Variants in ATP13A3 observed in about 807,000 individuals in gnomAD.
ATP13A3 encodes polyamine-transporting ATPase 13A3.
ATP13A3 carries 59 observed loss-of-function variants against 158.1 expected under a neutral mutation model. That is an observed-to-expected ratio of 0.37 (90% CI 0.30 to 0.46). ATP13A3 has a LOEUF of 0.46. Ranked by LOEUF, ATP13A3 falls within the 20% of genes least tolerant of loss-of-function variation. ATP13A3 has a pLI of 1.00. For synonymous variants in ATP13A3, 491 were observed against 504.3 expected (o/e 0.97, Z 0.35); for missense variants, 1,166 against 1,525.2 (o/e 0.76, Z 3.92).
In ATP13A3 at chr3:194,448,567, T is replaced by C; in HGVS notation, c.1040A>G (p.Glu347Gly). The C allele has an allele frequency of 1.2e-6, 2 of 1,614,052 alleles. No individual in the cohort carries two copies. Among genetic ancestry groups the C allele is most frequent in the Non-Finnish European group, 1.7e-6 (2 of 1,179,930 alleles). The stretch of plus-strand genomic sequence containing the variant: ...TTTATGTGTTTCTGGATTATATAAT[T>C]CATCTCCTATTCCTTTCACATCCAC... Reference protein sequence around the residue: ...PSVDVKGIGDELYNPETHKRH... With the variant: ...PSVDVKGIGDGLYNPETHKRH... The change falls in exon 12 of 34, where the codon GAA becomes GGA. Residue 347 changes from glutamate to glycine, a missense_variant. Physicochemically the swap from Glu to Gly is moderately conservative, Grantham distance 98. Coordinates refer to ENST00000645319, the MANE Select transcript of ATP13A3 (RefSeq NM_001367549.1). This position sits in a 1 kb window ranked among gnomAD's most constrained non-coding sequence, Gnocchi z 4.0.
chr3:194,454,952 A>T (rs1238647620), intron 8 of ATP13A3, among the ~76,000 whole-genome samples: 1 of 152,246 alleles, frequency 6.6e-6, no homozygotes, highest in Non-Finnish European at 1.5e-5. Context: ...CCAAATATAG[A>T]TTCAGCTAGA....
At chr3:194,450,368 A>G in intron 10 of ATP13A3, 92 bp from the exon 11 acceptor site, 3 of 1,261,496 alleles carry the variant, frequency 2.4e-6, no homozygotes, top group East Asian at 5.0e-5. Flanking sequence ...TCTGATCTCA[A>G]TAAGAAGTTT....
At position 194,412,130 on chromosome 3, in the gene ATP13A3, G is replaced by T. The variant is rs908073696; in HGVS notation, c.3573+69C>A. 35 of 1,232,022 alleles carry T rather than the reference G, an allele frequency of 2.8e-5. No homozygotes were observed. The Admixed American group carries it at 6.5e-4, about 23-fold the overall frequency. The allele number at this position is 1,232,022 out of a possible 1,614,324, so 76.3% of individuals were successfully genotyped here. On this transcript the variant is annotated intron_variant, in intron 33 of 33. Transcript: ENST00000645319. The stretch of plus-strand genomic sequence containing the variant: ...CATAACAGAACAAGAACACGCTAGA[G>T]AATACAGAGTACACAAGCAGAGAGC...
At chr3:194,426,678 T>TA (rs767008068) in intron 29 of ATP13A3, among the ~76,000 whole-genome samples, 2 of 151,960 alleles carry the variant, frequency 1.3e-5, no homozygotes, top group Non-Finnish European at 2.9e-5. Flanking sequence ...CCAAATTATG[T>TA]AAGTGTTTAA....
chr3:194,443,452 T>A (rs1024074488), intron 15 of ATP13A3, among the ~76,000 whole-genome samples: 1 of 152,142 alleles, frequency 6.6e-6, no homozygotes, highest in African/African-American at 2.4e-5. Context: ...TATATCTGAA[T>A]AAATGTGCAC....
rs1445697307 is a variant in ATP13A3, at chr3:194,448,550, T to C, written c.1057A>G (p.Thr353Ala). The C allele has an allele frequency of 1.2e-6, 2 of 1,614,044 alleles. No individual in the cohort carries two copies. The highest frequency in any genetic ancestry group is 8.5e-7 in the Non-Finnish European group (1 of 1,179,920). ...GIGDELYNPETHKRHTLFCGT... is the reference protein window; with the variant it reads ...GIGDELYNPEAHKRHTLFCGT... Reference sequence around the variant, plus strand: ...CAAAACAAAGTATGTCGTTTATGTGTTTCTGGATTATATAATTCATCTCCT... The same window carrying C: ...CAAAACAAAGTATGTCGTTTATGTGCTTCTGGATTATATAATTCATCTCCT... Residue 353 changes from threonine (T) to alanine (A), a missense_variant, in exon 12 of 34, where the codon ACA (threonine) becomes GCA (alanine). Thr to Ala is a moderately conservative substitution (Grantham distance 58, BLOSUM62 0). Around this residue, in one of 3 missense-constraint regions of ATP13A3, gnomAD observed 997 missense variants for 1,341.2 expected, o/e 0.74. Transcript: ENST00000645319. The surrounding 1 kb of genome is among the most constrained non-coding windows in gnomAD (Gnocchi z 4.0).
intron 2 of ATP13A3, among the ~76,000 whole-genome samples, chr3:194,483,039 G>A (rs370902669): frequency 2.0e-5 from 3 of 151,550 alleles, no homozygotes; most frequent in Middle Eastern, 3.4e-3. Context: ...CCCAGGAGGC[G>A]GAAGTTGCAG....
chr3:194,446,921 A>C lies in ATP13A3; in HGVS notation c.1497+6T>G, dbSNP rs1718446138. ...CCTTTGAAAGTAACTATGAAACTGA[A>C]CCCACCTTGTCAAAGCAAACAAGAT... On this transcript the variant is annotated splice_donor_region_variant and intron_variant, in intron 14 of 33. Coordinates refer to ENST00000645319, the MANE Select transcript of ATP13A3 (RefSeq NM_001367549.1). 9 of 1,594,776 alleles carry C rather than the reference A, an allele frequency of 5.6e-6. No individual in the cohort carries two copies. The highest frequency in any genetic ancestry group is 7.7e-6 in the Non-Finnish European group (9 of 1,173,948).
intron 28 of ATP13A3, among the ~76,000 whole-genome samples, chr3:194,427,880 C>T (rs980439889): frequency 6.6e-6 from 1 of 151,866 alleles, no homozygotes; most frequent in African/African-American, 2.4e-5. Flanking sequence ...TTCAAAAAGG[C>T]TTTCATTACT....
intron 2 of ATP13A3, among the ~76,000 whole-genome samples, chr3:194,463,567 G>A (rs368022652): frequency 3.9e-5 from 6 of 152,078 alleles, no homozygotes; most frequent in African/African-American, 7.2e-5. Context: ...CCCCGAGTGT[G>A]ATAACCACTG....
At position 194,457,564 on chromosome 3, in the gene ATP13A3, T is replaced by C. The variant is rs185866763; in HGVS notation, c.480-390A>G. Among the ~76,000 whole-genome samples the C allele has an allele frequency of 4.2e-3, 645 of 152,254 alleles. 5 individuals are homozygous for C. Among genetic ancestry groups the C allele is most frequent in the African/African-American group, 0.015 (614 of 41,550 alleles). On this transcript the variant is annotated intron_variant, in intron 6 of 33. Coordinates refer to ENST00000645319, the MANE Select transcript of ATP13A3 (RefSeq NM_001367549.1). ...AAACCAAAGATGAAAACATTTTACT[T>C]TTTAGCTACATAGTTTCTCCTTTTC... is the stretch of plus-strand genomic sequence containing the variant.
upstream of ATP13A3, among the ~76,000 whole-genome samples, chr3:194,489,439 A>G (rs1721120224): frequency 1.3e-5 from 2 of 151,444 alleles, no homozygotes; most frequent in African/African-American, 2.4e-5. This position sits in a 1 kb window ranked among gnomAD's most constrained non-coding sequence, Gnocchi z 4.1. Flanking sequence ...GCAAAACTCC[A>G]TCTAAAAAAA....
intron 2 of ATP13A3, among the ~76,000 whole-genome samples, chr3:194,482,015 G>T (rs1720772713): frequency 6.6e-6 from 1 of 152,228 alleles, no homozygotes; most frequent in South Asian, 2.1e-4. Flanking sequence ...AACAGATATG[G>T]TATTGGCATA....
intron 8 of ATP13A3, among the ~76,000 whole-genome samples, chr3:194,454,633 C>T (rs1719076454): frequency 6.6e-6 from 1 of 152,118 alleles, no homozygotes; most frequent in South Asian, 2.1e-4. Flanking sequence ...TCAAAACATC[C>T]TGGCTAACAC....
chr3:194,428,999 T>C, intron 27 of ATP13A3, 82 bp from the exon 28 acceptor site: 1 of 931,236 alleles, frequency 1.1e-6, no homozygotes, highest in Non-Finnish European at 1.6e-6. Context: ...TAGTTTGGAT[T>C]TTCCCTATAA....
intron 31 of ATP13A3, among the ~76,000 whole-genome samples, chr3:194,417,316 G>A (rs112750068): frequency 0.02 from 3,026 of 151,576 alleles, 51 homozygotes; most frequent in Middle Eastern, 0.058. Context: ...TCGTGAGGCC[G>A]AGGCAGGAGA....
intron 33 of ATP13A3, among the ~76,000 whole-genome samples, chr3:194,410,880 C>T (rs1376892357): frequency 2.6e-5 from 3 of 117,386 alleles, no homozygotes; most frequent in Non-Finnish European, 4.8e-5. Flanking sequence ...AGATAACCTT[C>T]TGAAGTAATG....
Position 194,419,955 on chromosome 3 carries a change from AAAAC to A in ATP13A3, c.3322_3325del (p.Val1108PhefsTer3). ...AAAAATATATAAAAAAATCACAGAA[AAAAC>A]AAAAAAATCTGGAAAAGACAGCAAA... On this transcript the variant is annotated frameshift_variant, in exon 31 of 34. Coordinates refer to ENST00000645319, the MANE Select transcript of ATP13A3 (RefSeq NM_001367549.1). LOFTEE classifies it high-confidence loss of function. The A allele has an allele frequency of 6.5e-7, 1 of 1,531,188 alleles. No homozygotes were observed. Among genetic ancestry groups the A allele is most frequent in the Non-Finnish European group, 8.7e-7 (1 of 1,150,364 alleles). 94.9% of individuals were successfully genotyped at this position (1,531,188 alleles called of 1,614,324 possible).
chr3:194,415,795 T>C (rs1715809511), intron 31 of ATP13A3, among the ~76,000 whole-genome samples: 1 of 151,684 alleles, frequency 6.6e-6, no homozygotes, highest in African/African-American at 2.4e-5. Flanking sequence ...AATACCACAT[T>C]GTTTCTAATA....
Sources: gnomAD v4.1 joint callset for allele counts (sites outside exome capture counted in the v4.1 genomes callset) on GRCh38, gnomAD v4.1.1 for gene constraint, gnomAD v4.1.1 regional missense constraint, Gnocchi (gnomAD v3.1) non-coding constraint, MANE v1.5 for transcripts, NCBI Gene and HGNC (gene_info 2026-07-23, HGNC 2026-07-21) for gene names.